GPR37L1: variants seen among roughly 807,000 people sequenced by gnomAD.
GPR37L1 encodes G protein-coupled receptor 37 like 1.
GPR37L1 carries 18 observed loss-of-function variants against 18.0 expected under a neutral mutation model. The observed-to-expected ratio is 1.00, with a 90% confidence interval of 0.69 to 1.49. GPR37L1 has a LOEUF of 1.49. Among genes scored for constraint, GPR37L1 ranks in the 40% most tolerant of loss-of-function variants. GPR37L1 has a pLI of 0.00. For missense variants in GPR37L1, 558 were observed against 615.1 expected (o/e 0.91, Z 0.98); for synonymous variants, 256 against 273.9 (o/e 0.93, Z 0.65).
chr1:202,126,488 G>C (rs74606403), intron 1 of GPR37L1, among the ~76,000 whole-genome samples: 3,318 of 152,232 alleles, frequency 0.022, 232 homozygotes, highest in East Asian at 0.19. Context: ...CCTGCCAAGA[G>C]AGGGGGTTGG....
At position 202,130,852 on chromosome 1, in the gene GPR37L1, C is replaced by T. The variant is rs1654831713; in HGVS notation, c.*2296C>T. ...AAGTCCAGGGCAGGGGAGTCAGACC[C>T]CTCAACATCCTGTTTAGGGGTCCTC... On this transcript the variant is annotated 3_prime_UTR_variant, in exon 2 of 2. Coordinates refer to ENST00000367282, the MANE Select transcript of GPR37L1 (RefSeq NM_004767.5). The T allele has an allele frequency of 6.6e-6, 1 of 152,226 alleles. No homozygotes were observed. The highest frequency in any genetic ancestry group is 1.5e-5 in the Non-Finnish European group (1 of 68,046). The allele number at this position is 152,226 out of a possible 1,614,324, so 9.4% of individuals were successfully genotyped here. A position where few individuals can be genotyped will look rare whatever the true frequency, so the allele number is the denominator to read the frequency against.
Position 202,133,585 on chromosome 1 carries a change from A to G in GPR37L1, c.*5029A>G, listed in dbSNP as rs1304908375. Reference sequence around the variant, plus strand: ...AAACAAATAAACAAACAGAACCCAAAGAACCAACCCCCCATGCTGAGTTCT... The same window carrying G: ...AAACAAATAAACAAACAGAACCCAAGGAACCAACCCCCCATGCTGAGTTCT... On this transcript the variant is annotated 3_prime_UTR_variant, in exon 2 of 2. Transcript: ENST00000367282. The G allele has an allele frequency of 6.6e-6, 1 of 152,256 alleles. No individual in the cohort carries two copies. The highest frequency in any genetic ancestry group is 6.5e-5 in the Admixed American group (1 of 15,284). The allele number at this position is 152,256 out of a possible 1,614,324, so 9.4% of individuals were successfully genotyped here.
At chr1:202,126,868 T>TGTGTGTGTGTGTGC (rs984736079) in intron 1 of GPR37L1, among the ~76,000 whole-genome samples, 3 of 151,008 alleles carry the variant, frequency 2.0e-5, no homozygotes, top group African/African-American at 4.9e-5. Flanking sequence ...TGTGTGTGTG[T>TGTGTGTGTGTGTGC]GCACGCGTAA....
In GPR37L1 at chr1:202,123,164, C is replaced by A; in HGVS notation, c.201C>A (p.Tyr67Ter). ...ATGTGCCTGAGGAGTGGGCGGAGTA[C>A]CCCCGGCCCATTCACCCTGCTGGCC... ...QQYVPEEWAE[Y>*]PRPIHPAGLQ... is the part of the protein sequence containing the mutation. Residue 67 changes from tyrosine (Y) to a stop codon, truncating the protein, a stop_gained, in exon 1 of 2, where the codon TAC becomes TAA. Transcript: ENST00000367282. LOFTEE classifies it high-confidence loss of function. 1.2e-6 allele frequency: 2 copies of A among 1,613,140 alleles called. No individual in the cohort carries two copies. The highest frequency in any genetic ancestry group is 2.2e-5 in the East Asian group (1 of 44,840).
In GPR37L1 at chr1:202,128,362, T is replaced by C; in HGVS notation, c.1252T>C (p.Cys418Arg). The part of the protein sequence containing the change: ...KGAITPVLLL[C>R]ICRPLGQAFL... Reference sequence around the variant, plus strand: ...CGCCATCACCCCAGTGCTGCTCCTTTGCATCTGCAGGCCGCTGGGCCAGGC... The same window carrying C: ...CGCCATCACCCCAGTGCTGCTCCTTCGCATCTGCAGGCCGCTGGGCCAGGC... The change falls in exon 2 of 2, where the codon TGC becomes CGC. Residue 418 changes from cysteine to arginine, a missense_variant. Physicochemically the swap from Cys to Arg is radical, Grantham distance 180 (BLOSUM62 -3). Coordinates refer to ENST00000367282, the MANE Select transcript of GPR37L1 (RefSeq NM_004767.5). The C allele has an allele frequency of 6.2e-7, 1 of 1,614,214 alleles. No individual in the cohort carries two copies. The highest frequency in any genetic ancestry group is 8.5e-7 in the Non-Finnish European group (1 of 1,180,032).
intron 1 of GPR37L1, among the ~76,000 whole-genome samples, chr1:202,126,244 C>A (rs1022155001): frequency 4.6e-5 from 7 of 152,046 alleles, no homozygotes; most frequent in African/African-American, 1.7e-4. Context: ...CCCATCTCTA[C>A]TAAAAGTACA....
rs1654849469 is a variant in GPR37L1, at chr1:202,131,386, CATTT to C, written c.*2832_*2835del. ...TCTGTCCTTCACAGAGGATTATGGTCATTTAATGAGACAAGATACATAAAGCACT... is the reference window on the plus strand; with the variant it reads ...TCTGTCCTTCACAGAGGATTATGGTCAATGAGACAAGATACATAAAGCACT... On this transcript the variant is annotated 3_prime_UTR_variant, in exon 2 of 2. Coordinates refer to ENST00000367282, the MANE Select transcript of GPR37L1 (RefSeq NM_004767.5). The C allele has an allele frequency of 6.6e-6, 1 of 152,218 alleles. No homozygotes were observed. The highest frequency in any genetic ancestry group is 2.4e-5 in the African/African-American group (1 of 41,450). The allele number at this position is 152,218 out of a possible 1,614,324, so 9.4% of individuals were successfully genotyped here.
Position 202,123,589 on chromosome 1 carries a change from T to A in GPR37L1, c.626T>A (p.Met209Lys). 3.2e-6 allele frequency: 5 copies of A among 1,576,802 alleles called. No homozygotes were observed. The highest frequency in any genetic ancestry group is 4.3e-6 in the Non-Finnish European group (5 of 1,162,304). Reference sequence around the variant, plus strand: ...GTTTCTTGTCGTGCCGTGCCCTTCATGGAGGTGAGTGTGTGTTCTGTTTGA... The same window carrying A: ...GTTTCTTGTCGTGCCGTGCCCTTCAAGGAGGTGAGTGTGTGTTCTGTTTGA... ...GDVSCRAVPF[M>K]EVSSLGVTTF... The change falls in exon 1 of 2, where the codon ATG becomes AAG. Residue 209 changes from methionine to lysine, a missense_variant. Met to Lys is a moderately conservative substitution (Grantham distance 95, BLOSUM62 -1). Transcript: ENST00000367282.
Position 202,128,320 on chromosome 1 carries a change from T to G in GPR37L1, c.1210T>G (p.Ser404Ala), listed in dbSNP as rs1407923537. ...CCTCCTGGGCCTCATCAACCAGTTC[T>G]CCACCTTCTTCAAGGGCGCCATCAC... ...LDLLGLINQF[S>A]TFFKGAITPV... The change falls in exon 2 of 2, where the codon TCC becomes GCC. Residue 404 changes from serine to alanine, a missense_variant. Coordinates refer to ENST00000367282, the MANE Select transcript of GPR37L1 (RefSeq NM_004767.5). 4 of 1,614,076 alleles carry G rather than the reference T, an allele frequency of 2.5e-6. No individual in the cohort carries two copies. The Admixed American group carries it at 6.7e-5, about 27-fold the overall frequency.
chr1:202,123,741 A>T, intron 1 of GPR37L1, 148 bp downstream of exon 1: 2 of 752,264 alleles, frequency 2.7e-6, no homozygotes, highest in South Asian at 1.8e-5. Context: ...TACCTTGGAG[A>T]AGGAGACAAA....
At position 202,128,631 on chromosome 1, in the gene GPR37L1, T is replaced by A; in HGVS notation, c.*75T>A. On this transcript the variant is annotated 3_prime_UTR_variant, in exon 2 of 2. Transcript: ENST00000367282. ...GTCTGCTGTTCTTTCCCCATAGGTC[T>A]TGCTTTGTTGCCTGTCTTGCTGTCT... The A allele has an allele frequency of 1.1e-6, 1 of 891,198 alleles. No homozygotes were observed. Among genetic ancestry groups the A allele is most frequent in the Non-Finnish European group, 1.7e-6 (1 of 584,034 alleles). 55.2% of individuals were successfully genotyped at this position (891,198 alleles called of 1,614,324 possible).
intron 1 of GPR37L1, among the ~76,000 whole-genome samples, chr1:202,124,276 G>C (rs1353375264): frequency 6.6e-6 from 1 of 152,228 alleles, no homozygotes; most frequent in Non-Finnish European, 1.5e-5. Flanking sequence ...TCTAGTCTTA[G>C]CTCTGCCACT....
In GPR37L1 at chr1:202,126,386, C is replaced by T. The variant is rs542806016; in HGVS notation, c.631-1355C>T. On this transcript the variant is annotated intron_variant, in intron 1 of 1. Coordinates refer to ENST00000367282, the MANE Select transcript of GPR37L1 (RefSeq NM_004767.5). ...TTGCGCCACTGCACTCCAGCCTGGG[C>T]GACAGAGTGAGACTCTCGGAAAAAA... Among the ~76,000 whole-genome samples the T allele has an allele frequency of 1.4e-4, 21 of 151,032 alleles. No individual in the cohort carries two copies. In the South Asian group the frequency reaches 2.7e-3, roughly 20 times the overall value.
intron 1 of GPR37L1, among the ~76,000 whole-genome samples, chr1:202,125,119 T>C (rs1654623456): frequency 8.2e-6 from 1 of 122,408 alleles, no homozygotes; most frequent in Non-Finnish European, 1.6e-5. Flanking sequence ...GAGCCAAGAT[T>C]GCGCAGCCTG....
chr1:202,125,745 G>A lies in GPR37L1; in HGVS notation c.631-1996G>A, dbSNP rs530528029. 5.3e-5 allele frequency among the ~76,000 whole-genome samples: 8 copies of A among 152,202 alleles called. No individual in the cohort carries two copies. In the South Asian group the frequency reaches 1.2e-3, roughly 24 times the overall value. ...AACACCCTTCTTCTTTATTTGAGAC[G>A]GAGTCTCATTCTGTCACCCAGAGTG... On this transcript the variant is annotated intron_variant, in intron 1 of 1. Transcript: ENST00000367282.
At position 202,123,511 on chromosome 1, in the gene GPR37L1, G is replaced by A; in HGVS notation, c.548G>A (p.Cys183Tyr). 5 of 1,613,762 alleles carry A rather than the reference G, an allele frequency of 3.1e-6. No homozygotes were observed. Among genetic ancestry groups the A allele is most frequent in the Non-Finnish European group, 4.2e-6 (5 of 1,179,936 alleles). The part of the protein sequence containing the change: ...ALWDFLVLFF[C>Y]LPIVIFNEIT... ...TGGGATTTTCTGGTCCTCTTTTTCT[G>A]CCTCCCTATTGTCATCTTCAACGAG... Residue 183 changes from cysteine (C) to tyrosine (Y), a missense_variant, in exon 1 of 2, where the codon TGC (cysteine) becomes TAC (tyrosine). Transcript: ENST00000367282.
Position 202,128,355 on chromosome 1 carries a change from G to A in GPR37L1, c.1245G>A (p.Leu415=). The change falls in exon 2 of 2, where the codon CTG becomes CTA. Residue 415 remains leucine, a synonymous_variant. Coordinates refer to ENST00000367282, the MANE Select transcript of GPR37L1 (RefSeq NM_004767.5). The part of the protein sequence containing the change: ...TFFKGAITPV[L]LLCICRPLGQ... ...TCAAGGGCGCCATCACCCCAGTGCT[G>A]CTCCTTTGCATCTGCAGGCCGCTGG... The A allele has an allele frequency of 6.2e-7, 1 of 1,614,214 alleles. No homozygotes were observed. Among genetic ancestry groups the A allele is most frequent in the African/African-American group, 1.3e-5 (1 of 75,054 alleles).
chr1:202,127,186 G>T (rs986752852), intron 1 of GPR37L1, among the ~76,000 whole-genome samples: 1 of 152,162 alleles, frequency 6.6e-6, no homozygotes, highest in Non-Finnish European at 1.5e-5. Context: ...ATGGTAAGGT[G>T]GTTGATTGGG....
In GPR37L1 at chr1:202,128,034, C is replaced by T. The variant is rs1654721113; in HGVS notation, c.924C>T (p.Ala308=). 1 of 1,614,196 alleles carries T rather than the reference C, an allele frequency of 6.2e-7. No individual in the cohort carries two copies. Among genetic ancestry groups the T allele is most frequent in the Non-Finnish European group, 8.5e-7 (1 of 1,180,034 alleles). The part of the protein sequence containing the change: ...LYSLVMTYQN[A]RMWWYFGCYF... ...CACTGGTGATGACCTACCAGAACGC[C>T]CGCATGTGGTGGTACTTTGGCTGCT... Residue 308 remains alanine (A), a synonymous_variant, in exon 2 of 2, where the codon GCC becomes GCT. Coordinates refer to ENST00000367282, the MANE Select transcript of GPR37L1 (RefSeq NM_004767.5).
Sources: gnomAD v4.1 joint callset for allele counts (sites outside exome capture counted in the v4.1 genomes callset) on GRCh38, gnomAD v4.1.1 for gene constraint, MANE v1.5 for transcripts, NCBI Gene and HGNC (gene_info 2026-07-23, HGNC 2026-07-21) for gene names.